Variants in COL25A1 observed in about 807,000 individuals in gnomAD.
The protein encoded by COL25A1 is collagen type XXV alpha 1 chain.
In COL25A1, 103 loss-of-function variants were observed where a neutral mutation model predicts 128.4. The observed-to-expected ratio is 0.80, with a 90% CI of 0.68 to 0.94. The LOEUF (loss-of-function observed/expected upper bound fraction) is 0.94, where lower values mean the gene tolerates loss of function less well. Among genes scored for constraint, COL25A1 ranks in the 40% least tolerant of loss-of-function variants. The pLI, the probability that COL25A1 is intolerant of heterozygous loss-of-function variation, is 0.00. For missense variants in COL25A1, 745 were observed against 840.0 expected, an observed-to-expected ratio of 0.89 and a Z score of 1.40; for synonymous variants, 279 against 277.2, an observed-to-expected ratio of 1.01 and a Z score of -0.06.
chr4:109,269,764 C>A (rs1304714147), intron 3 of COL25A1, among the ~76,000 whole-genome samples: 4 of 152,024 alleles, frequency 2.6e-5, no homozygotes, highest in Middle Eastern at 3.4e-3. Flanking sequence ...GAGACACAAC[C>A]AAAAAAGAGA....
chr4:109,301,827 C>T lies in COL25A1; in HGVS notation c.193G>A (p.Ala65Thr), dbSNP rs772326718. The T allele has an allele frequency of 1.8e-5, 29 of 1,614,104 alleles. No individual in the cohort carries two copies. Among genetic ancestry groups the T allele is most frequent in the Non-Finnish European group, 2.5e-5 (29 of 1,180,050 alleles). ...GGGGCCCCTTTGGCGGATTCGAGAG[C>T]GGCGATCCTCGCCTGGAGGTCGTTG... ...KTNDLQARIA[A>T]LESAKGAPSI... Residue 65 changes from alanine to threonine, a missense_variant, in exon 2 of 38, where the codon GCT becomes ACT. Ala to Thr is a moderately conservative substitution (Grantham distance 58). Transcript: ENST00000399132.
chr4:109,136,810 C>T (rs1038657813), intron 3 of COL25A1, among the ~76,000 whole-genome samples: 6 of 152,238 alleles, frequency 3.9e-5, no homozygotes, highest in African/African-American at 1.4e-4. Context: ...AAACAGTATA[C>T]AGCAAAACTG....
chr4:109,267,357 T>A (rs1781862943), intron 3 of COL25A1, among the ~76,000 whole-genome samples: 1 of 152,160 alleles, frequency 6.6e-6, no homozygotes, highest in African/African-American at 2.4e-5. Context: ...AAAGTCATGG[T>A]ACACAAAAAA....
intron 3 of COL25A1, among the ~76,000 whole-genome samples, chr4:109,189,222 T>C (rs570720786): frequency 2.8e-4 from 43 of 152,204 alleles, no homozygotes; most frequent in African/African-American, 9.9e-4. Flanking sequence ...ACAAATAAGA[T>C]TGATGTGTCA....
intron 3 of COL25A1, among the ~76,000 whole-genome samples, chr4:109,177,948 A>G (rs923520371): frequency 6.6e-5 from 10 of 152,196 alleles, no homozygotes; most frequent in Admixed American, 4.6e-4. Flanking sequence ...AGTGAAGATA[A>G]AGTGTTTCAA....
chr4:109,079,749 T>A (rs1763675739), intron 3 of COL25A1, among the ~76,000 whole-genome samples: 1 of 151,222 alleles, frequency 6.6e-6, no homozygotes. Flanking sequence ...CATTTTTGTG[T>A]CACAGGCTTC....
At chr4:109,256,395 T>C (rs1357037989) in intron 3 of COL25A1, among the ~76,000 whole-genome samples, 1 of 152,068 alleles carries the variant, frequency 6.6e-6, no homozygotes, top group Non-Finnish European at 1.5e-5. Context: ...TTCAGCAGAA[T>C]GAAAGTGCAC....
intron 27 of COL25A1, 77 bp from the exon 28 acceptor site, chr4:108,846,296 C>G (rs544890998): frequency 2.4e-6 from 2 of 843,216 alleles, no homozygotes; most frequent in African/African-American, 7.7e-5. Flanking sequence ...AAACAGAATT[C>G]CGATCAATTT....
chr4:109,209,943 C>T (rs563289259), intron 3 of COL25A1, among the ~76,000 whole-genome samples: 2 of 151,620 alleles, frequency 1.3e-5, no homozygotes, highest in Non-Finnish European at 2.9e-5. Context: ...CCCAGCTATT[C>T]GGGAGGCTGA....
intron 19 of COL25A1, 117 bp downstream of exon 19, chr4:108,884,061 G>T: frequency 1.1e-6 from 1 of 918,986 alleles, no homozygotes; most frequent in South Asian, 1.8e-5. Flanking sequence ...GATGGCTGGA[G>T]AGTACTTAGA....
At chr4:108,902,782 T>C (rs1444577040) in intron 13 of COL25A1, among the ~76,000 whole-genome samples, 2 of 151,866 alleles carry the variant, frequency 1.3e-5, no homozygotes, top group African/African-American at 4.8e-5. Context: ...TGGGAAAAAA[T>C]GTTGACTTAG....
chr4:108,943,327 T>C (rs1226700028), intron 8 of COL25A1, among the ~76,000 whole-genome samples: 2 of 152,230 alleles, frequency 1.3e-5, no homozygotes, highest in Non-Finnish European at 2.9e-5. Context: ...CGTGTATTAA[T>C]TCTTTTTTGG....
chr4:108,852,831 C>A, intron 25 of COL25A1, 71 bp downstream of exon 25: 1 of 1,171,608 alleles, frequency 8.5e-7, no homozygotes, highest in Non-Finnish European at 1.2e-6. Flanking sequence ...TACATTAGTA[C>A]CATTTTGGCT....
chr4:109,145,885 C>T (rs915503088), intron 3 of COL25A1, among the ~76,000 whole-genome samples: 6 of 152,042 alleles, frequency 3.9e-5, no homozygotes, highest in African/African-American at 1.4e-4. Context: ...GTATAAAATA[C>T]TCATCTTTAC....
chr4:108,948,810 A>G (rs766710856), intron 8 of COL25A1, among the ~76,000 whole-genome samples: 22 of 152,212 alleles, frequency 1.4e-4, no homozygotes, highest in Non-Finnish European at 3.1e-4. Flanking sequence ...TAGCTACTAA[A>G]ATGCTAAGTA....
intron 11 of COL25A1, among the ~76,000 whole-genome samples, chr4:108,925,694 G>C (rs1745968196): frequency 6.6e-6 from 1 of 152,134 alleles, no homozygotes; most frequent in African/African-American, 2.4e-5. Context: ...TTAGACAATA[G>C]TGTCTCAACA....
At chr4:109,027,278 G>C (rs565448811) in intron 5 of COL25A1, among the ~76,000 whole-genome samples, 2 of 152,130 alleles carry the variant, frequency 1.3e-5, no homozygotes, top group Non-Finnish European at 2.9e-5. Flanking sequence ...GGTGGTCATG[G>C]GGGGGCCTTG....
At chr4:108,915,357 C>G (rs564484949) in intron 13 of COL25A1, among the ~76,000 whole-genome samples, 28 of 152,256 alleles carry the variant, frequency 1.8e-4, no homozygotes, top group Admixed American at 1.3e-4. Context: ...TTCTCTTTCT[C>G]TCTCTCTCCC....
intron 8 of COL25A1, among the ~76,000 whole-genome samples, chr4:108,953,296 T>C (rs1181937085): frequency 6.6e-6 from 1 of 152,150 alleles, no homozygotes; most frequent in Non-Finnish European, 1.5e-5. Flanking sequence ...TCCAACATCC[T>C]CCTTTAGTTC....
Sources: allele counts gnomAD v4.1 joint callset (sites outside exome capture counted in the v4.1 genomes callset), GRCh38; gene constraint gnomAD v4.1.1; transcripts MANE v1.5; gene names NCBI Gene and HGNC (gene_info 2026-07-23, HGNC 2026-07-21).